Variants in MMEL1 observed in about 807,000 individuals in gnomAD.
MMEL1 encodes the protein membrane metallo-endopeptidase-like 1.
In MMEL1, 98 loss-of-function variants were observed where a neutral mutation model predicts 117.1. The observed-to-expected ratio is 0.84, with a 90% CI of 0.71 to 0.99. The LOEUF is 0.99. Ranked by LOEUF, MMEL1 falls within the 50% of genes least tolerant of loss-of-function variation. The probability of loss-of-function intolerance (pLI) is 0.00; values close to 1 mark genes in which losing one functional copy is unlikely to be tolerated. For synonymous variants in MMEL1, 390 were observed against 415.1 expected, an observed-to-expected ratio of 0.94 and a Z score of 0.74; for missense variants, 1,014 against 1,049.1, an observed-to-expected ratio of 0.97 and a Z score of 0.46.
chr1:2,602,509 A>G (rs1644948990), intron 11 of MMEL1, among the ~76,000 whole-genome samples: 1 of 151,888 alleles, frequency 6.6e-6, no homozygotes, highest in South Asian at 2.1e-4. Context: ...CACCTCCACC[A>G]CGGGCACCCC....
rs529967810 is a variant in MMEL1 at position 2,590,852 on chromosome 1, A to G, written c.*138T>C. Reference sequence around the variant, plus strand: ...CAGGCAGGTGGCTGCACCCTAGGCCAGGCGCAGAGGCCTGGCAGGCAGGCT... The same window carrying G: ...CAGGCAGGTGGCTGCACCCTAGGCCGGGCGCAGAGGCCTGGCAGGCAGGCT... On this transcript the variant is annotated 3_prime_UTR_variant, in exon 24 of 24. Transcript: ENST00000378412. The G allele has an allele frequency of 1.2e-4, 70 of 602,742 alleles. No individual in the cohort carries two copies. The African/African-American group carries it at 1.2e-3, about 10-fold the overall frequency. The allele number at this position is 602,742 out of a possible 1,614,324, so 37.3% of individuals were successfully genotyped here. A position where few individuals can be genotyped will look rare whatever the true frequency, so the allele number is the denominator to read the frequency against.
intron 2 of MMEL1, among the ~76,000 whole-genome samples, chr1:2,621,810 C>A (rs1337942760): frequency 6.6e-6 from 1 of 152,180 alleles, no homozygotes; most frequent in Non-Finnish European, 1.5e-5. Context: ...GATCCACCTA[C>A]CTTGGCCTCC....
At position 2,592,648 on chromosome 1, in the gene MMEL1, G is replaced by A. The variant is rs1445236775; in HGVS notation, c.2067+7C>T. The A allele has an allele frequency of 1.3e-6, 2 of 1,549,732 alleles. No homozygotes were observed. The highest frequency in any genetic ancestry group is 2.4e-5 in the East Asian group (1 of 42,320). On this transcript the variant is annotated splice_region_variant and intron_variant, in intron 21 of 23. Transcript: ENST00000378412. ...GCGCTGACGCCCCCTCCCCTGCCAG[G>A]CCCCACCTTATAGGCTTGCCGCACC...
At chr1:2,613,529 C>T (rs984471495) in intron 2 of MMEL1, among the ~76,000 whole-genome samples, 52 of 152,110 alleles carry the variant, frequency 3.4e-4, no homozygotes, top group Admixed American at 3.3e-3. Context: ...GGAGAGCAAG[C>T]TGGAGAACCT....
At chr1:2,626,453 T>A (rs1167957284) in intron 2 of MMEL1, among the ~76,000 whole-genome samples, 1 of 152,258 alleles carries the variant, frequency 6.6e-6, no homozygotes, top group African/African-American at 2.4e-5. Flanking sequence ...GTGGGCCACA[T>A]ACATGCTTCA....
chr1:2,614,876 A>C (rs1393778370), intron 2 of MMEL1, among the ~76,000 whole-genome samples: 1 of 151,420 alleles, frequency 6.6e-6, no homozygotes, highest in African/African-American at 2.4e-5. Context: ...AGCATGTTGA[A>C]ATGTCAAAAA....
At chr1:2,591,305 T>G in intron 23 of MMEL1, 1 of 597,796 alleles carries the variant, frequency 1.7e-6, no homozygotes, top group Non-Finnish European at 3.0e-6. Flanking sequence ...ATTCCAACTC[T>G]GCAATAAAAC....
chr1:2,598,852 A>T, intron 11 of MMEL1, 62 bp from the exon 12 acceptor site: 2 of 1,436,824 alleles, frequency 1.4e-6, no homozygotes, highest in Non-Finnish European at 1.9e-6. Flanking sequence ...AGTTCCTGGG[A>T]ATCTAAGAAA....
Position 2,591,977 on chromosome 1 carries a change from G to A in MMEL1, c.2118C>T (p.Gly706=), listed in dbSNP as rs2100923585. ...AEGGKDQQLP[G]LDLTHEQLFF... is the part of the protein sequence containing the mutation. ...AGAGCTGCTCATGGGTGAGATCCAG[G>A]CCGGGCAGCTGCTGGTCCTTGCCAC... Residue 706 remains glycine, a synonymous_variant, in exon 22 of 24, where the codon GGC becomes GGT. Transcript: ENST00000378412. 1 of 1,613,382 alleles carries A rather than the reference G, an allele frequency of 6.2e-7. No individual in the cohort carries two copies. Among genetic ancestry groups the A allele is most frequent in the African/African-American group, 1.3e-5 (1 of 75,020 alleles).
intron 8 of MMEL1, 40 bp from the exon 9 acceptor site, chr1:2,605,663 G>T: frequency 1.3e-6 from 2 of 1,557,490 alleles, no homozygotes; most frequent in Non-Finnish European, 1.8e-6. Flanking sequence ...AAGGGGCCCG[G>T]GGTCCCCGCA....
rs1469490660 is a variant in MMEL1, at chr1:2,603,914, C to T, written c.1011G>A (p.Leu337=). 4 of 1,613,904 alleles carry T rather than the reference C, an allele frequency of 2.5e-6. No homozygotes were observed. The highest frequency in any genetic ancestry group is 2.7e-5 in the African/African-American group (2 of 75,060). The change falls in exon 11 of 24, where the codon CTG becomes CTA. Residue 337 remains leucine, a synonymous_variant. Transcript: ENST00000378412. ...GGCCAAACTGGCTTTGCAGCTCCTC[C>T]AGTCCCATCCGGTGGTACAAGGCGA... is the stretch of plus-strand genomic sequence containing the variant. The part of the protein sequence containing the change: ...DVIALYHRMG[L]EELQSQFGLK...
chr1:2,604,151 G>A lies in MMEL1; in HGVS notation c.947C>T (p.Ala316Val). Residue 316 changes from alanine (A) to valine (V), a missense_variant, in exon 10 of 24, where the codon GCC becomes GTC. Physicochemically the swap from Ala to Val is moderately conservative, Grantham distance 64 (BLOSUM62 0). Transcript: ENST00000378412. ...CACCCGCCCCGGCCCCCTTACCTTG[G>A]CCAGCTGTGTCTCCAGCTCCAGCAC... ...VQVLELETQL[A>V]KATVPQEERH... 6.3e-7 allele frequency: 1 copy of A among 1,594,490 alleles called. No homozygotes were observed.
chr1:2,595,275 C>G lies in MMEL1; in HGVS notation c.1584+1G>C, dbSNP rs748972561. ...GTTTAGGGCTGGGGTTGGGGGCGCA[C>G]ATTGGAGTACTCCTCGTCCAGGCGC... On this transcript the variant is annotated splice_donor_variant, in intron 16 of 23. Transcript: ENST00000378412. LOFTEE classifies it high-confidence loss of function. This position sits in a 1 kb window ranked among gnomAD's most constrained non-coding sequence, Gnocchi z 4.8. The G allele has an allele frequency of 6.2e-7, 1 of 1,613,392 alleles. No homozygotes were observed. The highest frequency in any genetic ancestry group is 1.7e-5 in the Admixed American group (1 of 59,992).
At chr1:2,601,979 T>C (rs1440509692) in intron 11 of MMEL1, among the ~76,000 whole-genome samples, 1 of 152,188 alleles carries the variant, frequency 6.6e-6, no homozygotes, top group African/African-American at 2.4e-5. Flanking sequence ...CTGTTACTGT[T>C]GAACAGATGC....
intron 2 of MMEL1, among the ~76,000 whole-genome samples, chr1:2,629,110 T>G (rs1638412528): frequency 6.6e-6 from 1 of 152,036 alleles, no homozygotes; most frequent in Non-Finnish European, 1.5e-5. Flanking sequence ...GGGGCAGAGC[T>G]TTCTGGAAGG....
Position 2,629,488 on chromosome 1 carries a change from C to T in MMEL1, c.-4G>A, listed in dbSNP as rs749046696. ...CTGGGCCTTCGGACTTCCCCATCAGCAGGGCTCTGGACGGGAGAGCACCGC... is the reference window on the plus strand; with the variant it reads ...CTGGGCCTTCGGACTTCCCCATCAGTAGGGCTCTGGACGGGAGAGCACCGC... On this transcript the variant is annotated 5_prime_UTR_variant, in exon 2 of 24. Transcript: ENST00000378412. 2.0e-6 allele frequency: 3 copies of T among 1,503,782 alleles called. No homozygotes were observed. The allele number at this position is 1,503,782 out of a possible 1,614,324, so 93.2% of individuals were successfully genotyped here.
intron 1 of MMEL1, chr1:2,632,496 C>T (rs1485216939): frequency 6.5e-6 from 1 of 152,848 alleles, no homozygotes; most frequent in Admixed American, 6.5e-5. Context: ...TCATTCTGTC[C>T]TGCAGGTATC....
intron 1 of MMEL1, among the ~76,000 whole-genome samples, chr1:2,632,345 G>A (rs1427090170): frequency 6.6e-6 from 1 of 152,206 alleles, no homozygotes; most frequent in East Asian, 1.9e-4. Context: ...CCCCACCCCA[G>A]AGACCTCGGT....
rs773798620 is a variant in MMEL1 at position 2,595,961 on chromosome 1, C to A, written c.1500+48G>T. ...GAGGCTTTGTCGGGGCGGTGCTGCC[C>A]GTGCCCAGATCCAGTCGGGGCTGCC... On this transcript the variant is annotated intron_variant, in intron 15 of 23. Coordinates refer to ENST00000378412, the MANE Select transcript of MMEL1 (RefSeq NM_033467.4). The surrounding 1 kb of genome is among the most constrained non-coding windows in gnomAD (Gnocchi z 4.8). The A allele has an allele frequency of 6.6e-7, 1 of 1,522,396 alleles. No individual in the cohort carries two copies. The highest frequency in any genetic ancestry group is 1.4e-5 in the African/African-American group (1 of 73,096). The allele number at this position is 1,522,396 out of a possible 1,614,324, so 94.3% of individuals were successfully genotyped here. A position where few individuals can be genotyped will look rare whatever the true frequency, so the allele number is the denominator to read the frequency against.
Sources: gnomAD v4.1 joint callset for allele counts (sites outside exome capture counted in the v4.1 genomes callset) on GRCh38, gnomAD v4.1.1 for gene constraint, Gnocchi (gnomAD v3.1) non-coding constraint, MANE v1.5 for transcripts, NCBI Gene and HGNC (gene_info 2026-07-23, HGNC 2026-07-21) for gene names.